The following SEL1L3 variants were observed in gnomAD, a reference collection of about 807,000 sequenced individuals.
The protein encoded by SEL1L3 is SEL1L family member 3.
SEL1L3 carries 76 observed loss-of-function variants against 142.8 expected under a neutral mutation model. That is an observed-to-expected ratio of 0.53 (90% CI 0.44 to 0.64). The LOEUF is 0.64. Ranked by LOEUF, SEL1L3 falls within the 30% of genes least tolerant of loss-of-function variation. The pLI is 0.00. For missense variants in SEL1L3, 1,262 were observed against 1,381.7 expected (o/e 0.91, Z 1.37); for synonymous variants, 504 against 519.6 (o/e 0.97, Z 0.41).
chr4:25,721,181 G>C, the SEL1L3 span: 1 of 151,540 alleles, frequency 6.6e-6, no homozygotes, highest in South Asian at 2.1e-4. Context: ...ATTTGCATGA[G>C]AAGTAACTGA....
chr4:25,743,071 C>A (rs570634665), downstream of SEL1L3, among the ~76,000 whole-genome samples: 3 of 152,240 alleles, frequency 2.0e-5, no homozygotes, highest in African/African-American at 7.2e-5. Flanking sequence ...GTGGTGACTG[C>A]GGCAAATCGG....
At chr4:25,831,505 A>T (rs990595691) in intron 5 of SEL1L3, among the ~76,000 whole-genome samples, 3 of 93,676 alleles carry the variant, frequency 3.2e-5, no homozygotes, top group African/African-American at 1.5e-4. Context: ...AATAATAATA[A>T]TAATAATTAT....
intron 8 of SEL1L3, among the ~76,000 whole-genome samples, chr4:25,819,023 C>T (rs1356335187): frequency 6.6e-6 from 1 of 152,208 alleles, no homozygotes; most frequent in Non-Finnish European, 1.5e-5. Context: ...ATGGGCAGGA[C>T]TGAAATACTC....
Position 25,795,060 on chromosome 4 carries a change from T to TGG in SEL1L3, c.1957-4488_1957-4487dup, listed in dbSNP as rs199884490. On this transcript the variant is annotated intron_variant, in intron 11 of 23. Transcript: ENST00000399878. ...ACACACACTGGGGCCTCTTGGGGGG[T>TGG]GGGGGGGAGGGAGAAGATCAGGAAA... 2.7e-3 allele frequency among the ~76,000 whole-genome samples: 115 copies of TGG among 42,486 alleles called. 1 individual carries two copies. The highest frequency in any genetic ancestry group is 0.015 in the Middle Eastern group (1 of 66). The allele number at this position is 42,486 out of a possible 152,430, so 27.9% of individuals were successfully genotyped here.
intron 23 of SEL1L3, among the ~76,000 whole-genome samples, chr4:25,753,132 C>T (rs548862309): frequency 1.1e-4 from 17 of 152,358 alleles, no homozygotes; most frequent in Middle Eastern, 6.8e-3. Context: ...CCGTCCTGCG[C>T]GGCTAGCCTT....
At chr4:25,815,552 C>T (rs1455430243) in intron 9 of SEL1L3, among the ~76,000 whole-genome samples, 2 of 152,136 alleles carry the variant, frequency 1.3e-5, no homozygotes, top group African/African-American at 4.8e-5. Flanking sequence ...AGGATGCACT[C>T]CTGTTCCCAA....
chr4:25,826,731 C>A (rs1168585466), intron 6 of SEL1L3, among the ~76,000 whole-genome samples: 1 of 152,072 alleles, frequency 6.6e-6, no homozygotes, highest in Non-Finnish European at 1.5e-5. Flanking sequence ...GCTCTGTCGC[C>A]CCGGCTGGAG....
chr4:25,848,742 T>C (rs929804632), intron 1 of SEL1L3, among the ~76,000 whole-genome samples: 16 of 152,350 alleles, frequency 1.1e-4, no homozygotes, highest in African/African-American at 3.4e-4. Context: ...GGTGAAGATG[T>C]GGAGAAACTG....
chr4:25,804,351 GC>G (rs1274721902), intron 10 of SEL1L3, among the ~76,000 whole-genome samples, 189 bp downstream of exon 10: 1 of 152,164 alleles, frequency 6.6e-6, no homozygotes, highest in African/African-American at 2.4e-5. Flanking sequence ...TGGATGAAGT[GC>G]CCTTTTTCAC....
At chr4:25,845,101 A>C (rs537232614) in intron 2 of SEL1L3, among the ~76,000 whole-genome samples, 13 of 152,374 alleles carry the variant, frequency 8.5e-5, no homozygotes, top group Admixed American at 7.8e-4. Context: ...TCCAGTTAAC[A>C]GTATTAGATC....
the SEL1L3 span, chr4:25,718,135 G>C: frequency 6.6e-6 from 1 of 152,240 alleles, no homozygotes; most frequent in Admixed American, 6.5e-5. Context: ...ATAGGCTCAA[G>C]ATGTATAAGT....
intron 5 of SEL1L3, among the ~76,000 whole-genome samples, chr4:25,831,509 TA>T (rs1175911928): frequency 8.5e-4 from 64 of 74,958 alleles, no homozygotes; most frequent in South Asian, 1.5e-3. Flanking sequence ...ATAATAATAA[TA>T]ATTATTATTA....
Position 25,765,354 on chromosome 4 carries a change from G to T in SEL1L3, c.2927C>A (p.Ala976Asp). Residue 976 changes from alanine to aspartate, a missense_variant, in exon 20 of 24, where the codon GCC becomes GAC. By Grantham distance (126) the Ala-to-Asp change is moderately radical. This residue lies in a region of SEL1L3 where 435 missense variants were observed against 559.2 expected (regional missense o/e 0.78). Transcript: ENST00000399878. Reference protein sequence around the residue: ...QDLELSVQMYAQAALDGDSQG... With the variant: ...QDLELSVQMYDQAALDGDSQG... ...GGAGTCTCCATCCAGGGCGGCTTGG[G>T]CGTACATCTGCACAGACAACTCCAG... 2 of 1,613,674 alleles carry T rather than the reference G, an allele frequency of 1.2e-6. No individual in the cohort carries two copies. Among genetic ancestry groups the T allele is most frequent in the Non-Finnish European group, 1.7e-6 (2 of 1,179,650 alleles).
At chr4:25,729,420 T>C in the SEL1L3 span, among the ~76,000 whole-genome samples, 1 of 152,192 alleles carries the variant, frequency 6.6e-6, no homozygotes, top group African/African-American at 2.4e-5. Flanking sequence ...ACCTGTTAAA[T>C]ACATATATTT....
At chr4:25,744,348 C>CTTTTTTTT (rs35155388), downstream of SEL1L3, among the ~76,000 whole-genome samples, 35,066 of 99,534 alleles carry the variant, frequency 0.35, 8,994 homozygotes, top group East Asian at 0.55. Flanking sequence ...ATGTGTGAGT[C>CTTTTTTTT]TTTTTTTTTT....
chr4:25,819,058 G>A (rs1443473949), intron 8 of SEL1L3, among the ~76,000 whole-genome samples: 1 of 152,166 alleles, frequency 6.6e-6, no homozygotes, highest in African/African-American at 2.4e-5. Context: ...GATGGCAAAG[G>A]TCCCACAGGA....
chr4:25,727,970 G>A, the SEL1L3 span, among the ~76,000 whole-genome samples: 1 of 152,144 alleles, frequency 6.6e-6, no homozygotes, highest in Non-Finnish European at 1.5e-5. Context: ...GCCACAGGAG[G>A]TGACATGAAA....
intron 11 of SEL1L3, among the ~76,000 whole-genome samples, chr4:25,790,907 C>A (rs1712288856): frequency 6.6e-6 from 1 of 152,210 alleles, no homozygotes; most frequent in African/African-American, 2.4e-5. Context: ...TCAAGAAAAA[C>A]TATATGAATA....
At chr4:25,734,382 T>A in the SEL1L3 span, among the ~76,000 whole-genome samples, 1 of 152,194 alleles carries the variant, frequency 6.6e-6, no homozygotes, top group Non-Finnish European at 1.5e-5. Flanking sequence ...CATTGGATTT[T>A]GTCAAATGCT....
Sources: gnomAD v4.1 joint callset for allele counts (sites outside exome capture counted in the v4.1 genomes callset) on GRCh38, gnomAD v4.1.1 for gene constraint, gnomAD v4.1.1 regional missense constraint, MANE v1.5 for transcripts, NCBI Gene and HGNC (gene_info 2026-07-23, HGNC 2026-07-21) for gene names.